Variants in LINGO2 observed in about 807,000 individuals in gnomAD.
LINGO2 encodes leucine-rich repeat and immunoglobulin-like domain-containing nogo receptor-interacting protein 2.
In LINGO2, 14 loss-of-function variants were observed where a neutral mutation model predicts 30.6. The ratio of observed to expected loss-of-function variants is 0.46; its 90% CI spans 0.30 to 0.72. LINGO2 has a LOEUF of 0.72. Among genes scored for constraint, LINGO2 ranks in the 30% least tolerant of loss-of-function variants. LINGO2 has a pLI of 0.07. For missense variants in LINGO2, 729 were observed against 751.7 expected (o/e 0.97, Z 0.35); for synonymous variants, 317 against 288.5 (o/e 1.10, Z -1.00).
At chr9:29,082,440 T>G in the LINGO2 span, among the ~76,000 whole-genome samples, 1 of 152,128 alleles carries the variant, frequency 6.6e-6, no homozygotes, top group Non-Finnish European at 1.5e-5. Flanking sequence ...CAAGATGGCT[T>G]AAAGACTTAA....
chr9:29,136,584 G>A, the LINGO2 span, among the ~76,000 whole-genome samples: 1 of 152,214 alleles, frequency 6.6e-6, no homozygotes, highest in East Asian at 1.9e-4. Context: ...ATTGACTCCT[G>A]TAGCACTTCT....
the LINGO2 span, among the ~76,000 whole-genome samples, chr9:28,861,096 TAAA>T: frequency 1.6e-5 from 2 of 121,278 alleles, no homozygotes; most frequent in Non-Finnish European, 3.2e-5. Flanking sequence ...ATAAATTATA[TAAA>T]TATATAAAAT....
the LINGO2 span, among the ~76,000 whole-genome samples, chr9:28,812,248 T>C: frequency 6.6e-6 from 1 of 152,172 alleles, no homozygotes; most frequent in African/African-American, 2.4e-5. Context: ...AGTGCAAGAA[T>C]ATCTGGTAGT....
the LINGO2 span, among the ~76,000 whole-genome samples, chr9:28,815,333 TGA>T: frequency 2.0e-5 from 3 of 152,182 alleles, no homozygotes; most frequent in African/African-American, 7.2e-5. Flanking sequence ...GAGATCTGGC[TGA>T]GAGGGAGAAT....
chr9:28,623,106 C>T (rs62555326), intron 1 of LINGO2, among the ~76,000 whole-genome samples: 10,959 of 151,950 alleles, frequency 0.072, 554 homozygotes, highest in Admixed American at 0.18. Flanking sequence ...TTTTCAGATG[C>T]GTAGTTTGCA....
the LINGO2 span, among the ~76,000 whole-genome samples, chr9:29,085,298 A>T: frequency 2.3e-5 from 2 of 86,892 alleles, no homozygotes; most frequent in African/African-American, 8.9e-5. Context: ...AAAAAAAAAA[A>T]AAAAAAAAAA....
rs78679543 is a variant in LINGO2 at position 28,613,821 on chromosome 9, A to C, written c.-365+56379T>G. 3.4e-4 allele frequency among the ~76,000 whole-genome samples: 52 copies of C among 152,304 alleles called. No homozygotes were observed. In the East Asian group the frequency reaches 9.4e-3, roughly 28 times the overall value. ...TTAATATCAGAGATCAGCCACAGACAAGAAGTTTATGGATGAGTGCAGCAG... is the reference window on the plus strand; with the variant it reads ...TTAATATCAGAGATCAGCCACAGACCAGAAGTTTATGGATGAGTGCAGCAG... On this transcript the variant is annotated intron_variant, in intron 1 of 5. Coordinates refer to ENST00000379992, the Ensembl canonical transcript of LINGO2.
rs111529344 is a variant in LINGO2 at position 28,325,309 on chromosome 9, T to C, written c.-245-29943A>G. Among the ~76,000 whole-genome samples, 508 of 152,294 alleles carry C rather than the reference T, an allele frequency of 3.3e-3. 5 individuals are homozygous for C. The highest frequency in any genetic ancestry group is 0.011 in the African/African-American group (475 of 41,564). On this transcript the variant is annotated intron_variant, in intron 3 of 5. Coordinates refer to ENST00000379992, the Ensembl canonical transcript of LINGO2. ...AGTTACACAACTTAGAAAAGTCTTT[T>C]TTAAGGACCTAGGAGTCATACCTTT...
upstream of LINGO2, among the ~76,000 whole-genome samples, chr9:28,675,168 T>G (rs1238270043): frequency 2.0e-5 from 3 of 152,174 alleles, no homozygotes; most frequent in Non-Finnish European, 1.5e-5. Context: ...TTATCCCACT[T>G]CACATATATA....
At chr9:28,576,041 T>C (rs1823969145) in intron 1 of LINGO2, among the ~76,000 whole-genome samples, 1 of 152,114 alleles carries the variant, frequency 6.6e-6, no homozygotes, top group Non-Finnish European at 1.5e-5. Flanking sequence ...CGATTGTAAG[T>C]TGAAAATATT....
intron 4 of LINGO2, among the ~76,000 whole-genome samples, chr9:28,175,925 C>A (rs1218631671): frequency 6.6e-6 from 1 of 152,120 alleles, no homozygotes. Flanking sequence ...TGGTGGAGGT[C>A]AAGGAGGCAA....
chr9:28,973,370 G>C, the LINGO2 span, among the ~76,000 whole-genome samples: 1 of 152,192 alleles, frequency 6.6e-6, no homozygotes, highest in Non-Finnish European at 1.5e-5. Flanking sequence ...TGCCAGGAGA[G>C]AGTGGTGATA....
At chr9:29,189,293 G>C in the LINGO2 span, among the ~76,000 whole-genome samples, 1 of 151,686 alleles carries the variant, frequency 6.6e-6, no homozygotes, top group African/African-American at 2.4e-5. Flanking sequence ...CTCCCTCCCG[G>C]ACGGGGTGGC....
the LINGO2 span, among the ~76,000 whole-genome samples, chr9:28,869,993 A>C: frequency 6.6e-6 from 1 of 151,976 alleles, no homozygotes; most frequent in Non-Finnish European, 1.5e-5. Flanking sequence ...TAAAAGTATT[A>C]ACAGTAAAGC....
chr9:28,995,323 C>A, the LINGO2 span, among the ~76,000 whole-genome samples: 15 of 152,136 alleles, frequency 9.9e-5, no homozygotes, highest in African/African-American at 3.1e-4. Flanking sequence ...CAATGAGATA[C>A]CATCTCACAC....
At chr9:28,497,940 C>T (rs1242934570) in intron 1 of LINGO2, among the ~76,000 whole-genome samples, 2 of 152,188 alleles carry the variant, frequency 1.3e-5, no homozygotes, top group African/African-American at 2.4e-5. Flanking sequence ...CCCTGTTTGC[C>T]TGGGTATCAG....
chr9:28,723,855 A>T, the LINGO2 span, among the ~76,000 whole-genome samples: 5 of 152,150 alleles, frequency 3.3e-5, no homozygotes, highest in African/African-American at 1.2e-4. Context: ...TTGGGGCTAC[A>T]TTGTTCTTGA....
chr9:28,873,379 C>CA, the LINGO2 span, among the ~76,000 whole-genome samples: 979 of 93,136 alleles, frequency 0.011, 18 homozygotes, highest in African/African-American at 0.038. Flanking sequence ...GACTCAGTCT[C>CA]AAAAAAAAAA....
chr9:28,247,507 C>CCAAA (rs1822045859), intron 4 of LINGO2, among the ~76,000 whole-genome samples: 1 of 152,052 alleles, frequency 6.6e-6, no homozygotes, highest in African/African-American at 2.4e-5. Flanking sequence ...GAACAGAAAA[C>CCAAA]CAAACACTGT....
Sources: allele counts gnomAD v4.1 joint callset (sites outside exome capture counted in the v4.1 genomes callset), GRCh38; gene constraint gnomAD v4.1.1; transcripts MANE v1.5; gene names NCBI Gene and HGNC (gene_info 2026-07-23, HGNC 2026-07-21).